The following ADGRE2 variants were observed in gnomAD, a reference collection of about 807,000 sequenced individuals.
ADGRE2 encodes CD97 antigen.
In ADGRE2, 83 loss-of-function variants were observed where a neutral mutation model predicts 100.8. The ratio of observed to expected loss-of-function variants is 0.82; its 90% CI spans 0.69 to 0.99. The LOEUF (loss-of-function observed/expected upper bound fraction) is 0.99. ADGRE2 is among the 50% of genes least tolerant of loss of function. The pLI, the probability that ADGRE2 is intolerant of heterozygous loss-of-function variation, is 0.00. For missense variants in ADGRE2, 814 were observed against 1,035.7 expected (o/e 0.79, Z 2.94); for synonymous variants, 355 against 413.0 (o/e 0.86, Z 1.70).
chr19:14,747,344 T>TA (rs1272394853), intron 16 of ADGRE2, among the ~76,000 whole-genome samples: 7 of 151,428 alleles, frequency 4.6e-5, no homozygotes, highest in African/African-American at 2.4e-5. Context: ...CTACAAAAAA[T>TA]AAAAAAATAG....
downstream of ADGRE2, among the ~76,000 whole-genome samples, chr19:14,728,221 AT>A (rs879373284): frequency 7.4e-4 from 112 of 151,814 alleles, no homozygotes; most frequent in African/African-American, 2.6e-3. Flanking sequence ...TCAAAAAAAA[AT>A]TTTTTTTTCA....
At chr19:14,736,890 ATATATTTAATATC>A (rs984533263) in intron 20 of ADGRE2, among the ~76,000 whole-genome samples, 9 of 144,956 alleles carry the variant, frequency 6.2e-5, no homozygotes, top group African/African-American at 2.2e-4. Flanking sequence ...TTAGAAATAT[ATATATTTAATATC>A]TATATATTTA....
At chr19:14,774,764 C>T (rs1043801618) in intron 2 of ADGRE2, among the ~76,000 whole-genome samples, 1 of 148,646 alleles carries the variant, frequency 6.7e-6, no homozygotes, top group Non-Finnish European at 1.5e-5. Context: ...ATCTCTACCT[C>T]CTGGGTTCAA....
chr19:14,736,786 G>GTATATTTAGAAATA, intron 20 of ADGRE2, among the ~76,000 whole-genome samples: 1 of 120,744 alleles, frequency 8.3e-6, no homozygotes, highest in South Asian at 2.9e-4. Flanking sequence ...ATATTTAGAA[G>GTATATTTAGAAATA]TATAGATATT....
In ADGRE2 at chr19:14,766,263, G is replaced by A. The variant is rs763605780; in HGVS notation, c.606C>T (p.Pro202=). Residue 202 remains proline (P), a synonymous_variant, in exon 7 of 21, where the codon CCC becomes CCT. Transcript: ENST00000315576. ...RPGWQPIPGS[P]NGPNNTVCED... ...CACAGACGGTATTGTTTGGGCCATTGGGGGACCCCGGAATCGGTTGCCAGC... is the reference window on the plus strand; with the variant it reads ...CACAGACGGTATTGTTTGGGCCATTAGGGGACCCCGGAATCGGTTGCCAGC... 11 of 1,613,946 alleles carry A rather than the reference G, an allele frequency of 6.8e-6. No individual in the cohort carries two copies. Among genetic ancestry groups the A allele is most frequent in the Non-Finnish European group, 8.5e-6 (10 of 1,179,974 alleles).
chr19:14,751,456 G>C lies in ADGRE2; in HGVS notation c.2004C>G (p.His668Gln), dbSNP rs150922672. 7.4e-6 allele frequency: 12 copies of C among 1,613,782 alleles called. No individual in the cohort carries two copies. In the African/African-American group the frequency reaches 1.5e-4, roughly 20 times the overall value. Reference sequence around the variant, plus strand: ...CTAACCGGGAAGGTGTTCCATAAAGGTGAGGCCTGGAGGCTGCAGAAATGG... The same window carrying C: ...CTAACCGGGAAGGTGTTCCATAAAGCTGAGGCCTGGAGGCTGCAGAAATGG... The part of the protein sequence containing the change: ...TVAISAASRP[H>Q]LYGTPSRCWL... Residue 668 changes from histidine to glutamine, a missense_variant, in exon 16 of 21, where the codon CAC becomes CAG. His to Gln is a conservative substitution (Grantham distance 24). Transcript: ENST00000315576.
rs2044465167 is a variant in ADGRE2 at position 14,776,946 on chromosome 19, G to A, written c.-171-19C>T. 1 of 1,368,464 alleles carries A rather than the reference G, an allele frequency of 7.3e-7. No homozygotes were observed. The highest frequency in any genetic ancestry group is 9.5e-7 in the Non-Finnish European group (1 of 1,051,808). 84.8% of individuals were successfully genotyped at this position (1,368,464 alleles called of 1,614,324 possible). On this transcript the variant is annotated intron_variant, in intron 1 of 20. Coordinates refer to ENST00000315576, the MANE Select transcript of ADGRE2 (RefSeq NM_013447.4). ...GGTGCAGCTGGAAGCCAGCAGGAAAGCACAATAAAAACACAGAACCAGGGG... is the reference window on the plus strand; with the variant it reads ...GGTGCAGCTGGAAGCCAGCAGGAAAACACAATAAAAACACAGAACCAGGGG...
chr19:14,772,109 A>G, intron 5 of ADGRE2: 1 of 576,198 alleles, frequency 1.7e-6, no homozygotes, highest in Non-Finnish European at 3.1e-6. Flanking sequence ...TTTAGGTAAC[A>G]GGTGGCAAAG....
chr19:14,776,771 T>A lies in ADGRE2; in HGVS notation c.-15A>T, dbSNP rs1292508727. 1 of 1,613,112 alleles carries A rather than the reference T, an allele frequency of 6.2e-7. No individual in the cohort carries two copies. On this transcript the variant is annotated 5_prime_UTR_variant, in exon 2 of 21. Coordinates refer to ENST00000315576, the MANE Select transcript of ADGRE2 (RefSeq NM_013447.4). ...CGGCCTCCCATGGTTCCAGCTGAGCTGCCGGCAGGAGCAGCAGGGGAAAGA... is the reference window on the plus strand; with the variant it reads ...CGGCCTCCCATGGTTCCAGCTGAGCAGCCGGCAGGAGCAGCAGGGGAAAGA...
At chr19:14,742,160 A>T in intron 20 of ADGRE2, 1 of 398,314 alleles carries the variant, frequency 2.5e-6, no homozygotes, top group Non-Finnish European at 4.4e-6. Context: ...TCAAATGTGA[A>T]CCCTCTTAGG....
At chr19:14,773,306 T>TTCC (rs1568627631) in intron 4 of ADGRE2, among the ~76,000 whole-genome samples, 12 of 144,848 alleles carry the variant, frequency 8.3e-5, no homozygotes, top group South Asian at 2.2e-4. Flanking sequence ...TCCTTCCTTC[T>TTCC]TTCCTCCCTC....
At chr19:14,742,383 A>C (rs8102801) in intron 20 of ADGRE2, among the ~76,000 whole-genome samples, 14,811 of 152,106 alleles carry the variant, frequency 0.097, 2,456 homozygotes, top group African/African-American at 0.34. Flanking sequence ...AGATGCACAC[A>C]ACCACCCTCA....
downstream of ADGRE2, chr19:14,731,533 G>A (rs1416842415): frequency 7.3e-6 from 2 of 275,098 alleles, no homozygotes; most frequent in Non-Finnish European, 1.4e-5. Flanking sequence ...GACCCCCACG[G>A]TGGAGAGCTG....
chr19:14,772,350 G>A lies in ADGRE2; in HGVS notation c.347C>T (p.Thr116Met), dbSNP rs750214500. Residue 116 changes from threonine to methionine, a missense_variant, in exon 5 of 21, where the codon ACG (threonine) becomes ATG (methionine). Physicochemically the swap from Thr to Met is moderately conservative, Grantham distance 81. Transcript: ENST00000315576. ...AKTFKNESEN[T>M]CQDVDECQQN... ...TGTGGGGTGGTTCTTACCTTGACAC[G>A]TGTTCTCGCTCTCATTCTTGAATGT... The A allele has an allele frequency of 6.8e-6, 11 of 1,613,984 alleles. No homozygotes were observed. The highest frequency in any genetic ancestry group is 1.3e-5 in the African/African-American group (1 of 74,880).
At chr19:14,724,449 T>C in the ADGRE2 span, among the ~76,000 whole-genome samples, 1 of 152,280 alleles carries the variant, frequency 6.6e-6, no homozygotes, top group Admixed American at 6.5e-5. Context: ...GGTTGATTTA[T>C]TGGATGACAT....
At chr19:14,774,927 G>C in intron 2 of ADGRE2, among the ~76,000 whole-genome samples, 1 of 151,214 alleles carries the variant, frequency 6.6e-6, no homozygotes. Context: ...GCCGGCCTTG[G>C]CCTCCCAAAG....
the ADGRE2 span, among the ~76,000 whole-genome samples, chr19:14,725,584 G>A: frequency 6.6e-6 from 1 of 152,150 alleles, no homozygotes; most frequent in African/African-American, 2.4e-5. Context: ...GGTGGTATGG[G>A]CACTGGTTAA....
intron 2 of ADGRE2, among the ~76,000 whole-genome samples, chr19:14,775,010 TA>T (rs2044383141): frequency 9.2e-6 from 1 of 108,834 alleles, no homozygotes; most frequent in African/African-American, 3.1e-5. Context: ...TTTTATTATT[TA>T]TTTTTTTTTG....
intron 5 of ADGRE2, among the ~76,000 whole-genome samples, chr19:14,767,587 G>A (rs1276914369): frequency 6.6e-6 from 1 of 152,110 alleles, no homozygotes; most frequent in Non-Finnish European, 1.5e-5. Context: ...GGTGAGCATG[G>A]TGGCCCAGGC....
Sources: allele counts gnomAD v4.1 joint callset (sites outside exome capture counted in the v4.1 genomes callset), GRCh38; gene constraint gnomAD v4.1.1; transcripts MANE v1.5; gene names NCBI Gene and HGNC (gene_info 2026-07-23, HGNC 2026-07-21).